PARP4: variants seen among roughly 807,000 people sequenced by gnomAD.
PARP4 encodes the protein poly(ADP-ribose) polymerase family member 4.
A neutral mutation model predicts 187.7 loss-of-function variants in PARP4; 120 were observed. That is an observed-to-expected ratio of 0.64 (90% CI 0.55 to 0.74). The LOEUF (loss-of-function observed/expected upper bound fraction) is 0.74, where lower values mean the gene tolerates loss of function less well. PARP4 is among the 30% of genes least tolerant of loss of function. The probability of loss-of-function intolerance (pLI) is 0.00; values close to 1 mark genes in which losing one functional copy is unlikely to be tolerated. For synonymous variants in PARP4, 654 were observed against 740.9 expected (o/e 0.88, Z 1.90); for missense variants, 1,836 against 2,070.5 (o/e 0.89, Z 2.20).
At chr13:24,499,862 T>G (rs1276517930) in intron 4 of PARP4, among the ~76,000 whole-genome samples, 7 of 152,290 alleles carry the variant, frequency 4.6e-5, no homozygotes, top group African/African-American at 1.7e-4. Flanking sequence ...AGATTGAATG[T>G]GATGCCTAAT....
intron 17 of PARP4, among the ~76,000 whole-genome samples, chr13:24,462,316 G>T (rs1029432303): frequency 9.9e-5 from 15 of 152,198 alleles, no homozygotes; most frequent in African/African-American, 3.6e-4. Context: ...GGCACAGGTA[G>T]TGGCAGTCCA....
intron 12 of PARP4, among the ~76,000 whole-genome samples, chr13:24,482,363 C>A (rs1413280582): frequency 6.6e-6 from 1 of 152,184 alleles, no homozygotes; most frequent in African/African-American, 2.4e-5. Context: ...TAATTGACTC[C>A]AATTTTCAAG....
At chr13:24,494,101 T>A (rs1255299828) in intron 7 of PARP4, among the ~76,000 whole-genome samples, 1 of 152,168 alleles carries the variant, frequency 6.6e-6, no homozygotes, top group East Asian at 1.9e-4. Flanking sequence ...AAGCAATACA[T>A]CTCCTGTCTT....
intron 14 of PARP4, 140 bp from the exon 15 acceptor site, chr13:24,475,736 G>A (rs1013131148): frequency 1.3e-5 from 11 of 868,634 alleles, no homozygotes; most frequent in African/African-American, 8.5e-5. Context: ...ATTTTCAATA[G>A]CCAATTCTGA....
chr13:24,462,102 C>G (rs1410005803), intron 17 of PARP4, among the ~76,000 whole-genome samples: 1 of 152,172 alleles, frequency 6.6e-6, no homozygotes, highest in Admixed American at 6.5e-5. Flanking sequence ...GGACTGCAGG[C>G]CCTGCCTAAG....
In PARP4 at chr13:24,475,594, A is replaced by C. The variant is rs750973956; in HGVS notation, c.1792T>G (p.Tyr598Asp). The part of the protein sequence containing the change: ...EFSNFSKVED[Y>D]QLPDAKTSSS... ...GAAGTTTTGGCATCTGGTAACTGGT[A>C]ATCTAAACGTTAAAAATGTTACTAT... Residue 598 changes from tyrosine (Y) to aspartate (D), a missense_variant and splice_region_variant, in exon 15 of 34, where the codon TAC becomes GAC. Coordinates refer to ENST00000381989, the MANE Select transcript of PARP4 (RefSeq NM_006437.4). 2.7e-5 allele frequency: 44 copies of C among 1,613,986 alleles called. No homozygotes were observed. Among genetic ancestry groups the C allele is most frequent in the Non-Finnish European group, 3.6e-5 (43 of 1,179,852 alleles).
rs998628387 is a variant in PARP4, at chr13:24,459,517, A to G, written c.2299-207T>C. On this transcript the variant is annotated intron_variant, in intron 18 of 33. Coordinates refer to ENST00000381989, the MANE Select transcript of PARP4 (RefSeq NM_006437.4). ...TTTTGACAGAGATTTTAAACTCTAC[A>G]TATGTCTGTGTGTATACACACACAC... The G allele has an allele frequency of 6.6e-6, 3 of 452,390 alleles. No individual in the cohort carries two copies. The South Asian group carries it at 7.8e-5, about 12-fold the overall frequency. The allele number at this position is 452,390 out of a possible 1,614,324, so 28.0% of individuals were successfully genotyped here.
chr13:24,503,451 AG>A (rs1253730947), intron 2 of PARP4, among the ~76,000 whole-genome samples, 193 bp downstream of exon 2: 1 of 152,164 alleles, frequency 6.6e-6, no homozygotes, highest in Non-Finnish European at 1.5e-5. Context: ...GGGAACAGGG[AG>A]GGGACAGGGC....
intron 10 of PARP4, among the ~76,000 whole-genome samples, chr13:24,489,844 T>G (rs1025990533): frequency 5.3e-5 from 8 of 152,150 alleles, no homozygotes; most frequent in Non-Finnish European, 8.8e-5. Context: ...TTGCAGCATT[T>G]GCTGATTTCC....
At chr13:24,504,699 T>C (rs535383519) in intron 1 of PARP4, among the ~76,000 whole-genome samples, 1 of 151,874 alleles carries the variant, frequency 6.6e-6, no homozygotes, top group African/African-American at 2.4e-5. Context: ...TTCCATTTTG[T>C]AAAATTTTTT....
At chr13:24,424,494 G>T (rs1011878150) in intron 33 of PARP4, among the ~76,000 whole-genome samples, 1 of 151,874 alleles carries the variant, frequency 6.6e-6, no homozygotes, top group Admixed American at 6.6e-5. Context: ...GAAATCAAGG[G>T]GTTTTGTTTA....
At chr13:24,468,109 C>A (rs1275977037) in intron 17 of PARP4, among the ~76,000 whole-genome samples, 6 of 152,252 alleles carry the variant, frequency 3.9e-5, no homozygotes, top group Middle Eastern at 3.4e-3. Flanking sequence ...ACATATGGCC[C>A]CATCTGCAAG....
At chr13:24,478,589 C>T (rs1873108500) in intron 12 of PARP4, among the ~76,000 whole-genome samples, 1 of 152,088 alleles carries the variant, frequency 6.6e-6, no homozygotes, top group African/African-American at 2.4e-5. Flanking sequence ...ATGTGCACCA[C>T]ACCTAGCTAA....
intron 6 of PARP4, 142 bp downstream of exon 6, chr13:24,497,974 C>T: frequency 1.8e-6 from 1 of 570,436 alleles, no homozygotes. Context: ...TGTTTAAGCT[C>T]CCTAGCCTGT....
chr13:24,505,737 C>T (rs866558242), intron 1 of PARP4, among the ~76,000 whole-genome samples: 43 of 152,176 alleles, frequency 2.8e-4, no homozygotes, highest in African/African-American at 9.4e-4. Context: ...GCTATGTTGC[C>T]CAGACTGGTA....
chr13:24,485,799 G>A (rs1377390214), intron 11 of PARP4, among the ~76,000 whole-genome samples: 1 of 152,166 alleles, frequency 6.6e-6, no homozygotes, highest in Non-Finnish European at 1.5e-5. Context: ...ATACGATACA[G>A]TCTTCAAGAA....
At position 24,431,364 on chromosome 13, in the gene PARP4, CAT is replaced by C. The variant is rs1870324749; in HGVS notation, c.4846+11_4846+12del. 7.0e-7 allele frequency: 1 copy of C among 1,430,156 alleles called. No individual in the cohort carries two copies. The highest frequency in any genetic ancestry group is 1.4e-5 in the African/African-American group (1 of 69,122). 88.6% of individuals were successfully genotyped at this position (1,430,156 alleles called of 1,614,324 possible). On this transcript the variant is annotated intron_variant, in intron 32 of 33. Transcript: ENST00000381989. ...AAAATAATGACTTAATAAATGGAAA[CAT>C]AGTGCCTTACCTAGAGATTGAATGC...
Position 24,489,502 on chromosome 13 carries a change from G to T in PARP4, c.1214+1166C>A, listed in dbSNP as rs1395049552. Among the ~76,000 whole-genome samples the T allele has an allele frequency of 2.0e-5, 3 of 152,174 alleles. No homozygotes were observed. In the East Asian group the frequency reaches 5.8e-4, roughly 29 times the overall value. On this transcript the variant is annotated intron_variant, in intron 10 of 33. Transcript: ENST00000381989. ...GTGCGTCTATAGTCCCAGCTGAGGG[G>T]GGTGGCTGAGGCAGGAGAATGGCGT... is the stretch of plus-strand genomic sequence containing the variant.
At chr13:24,488,645 T>G (rs1868456938) in intron 10 of PARP4, among the ~76,000 whole-genome samples, 2 of 152,180 alleles carry the variant, frequency 1.3e-5, no homozygotes, top group Admixed American at 1.3e-4. Context: ...TGAGCCACCA[T>G]GCCCGGCCCG....
Sources: gnomAD v4.1 joint callset for allele counts (sites outside exome capture counted in the v4.1 genomes callset) on GRCh38, gnomAD v4.1.1 for gene constraint, MANE v1.5 for transcripts, NCBI Gene and HGNC (gene_info 2026-07-23, HGNC 2026-07-21) for gene names.